Variants in TSC1 observed in about 807,000 individuals in gnomAD.
The protein encoded by TSC1 is TSC complex subunit 1.
TSC1 carries 20 observed loss-of-function variants against 124.3 expected under a neutral mutation model. The ratio of observed to expected loss-of-function variants is 0.16; its 90% CI spans 0.11 to 0.23. TSC1 has a LOEUF of 0.23. Among genes scored for constraint, TSC1 ranks in the 10% least tolerant of loss-of-function variants. The pLI, the probability that TSC1 is intolerant of heterozygous loss-of-function variation, is 1.00. For synonymous variants in TSC1, 493 were observed against 539.1 expected, an observed-to-expected ratio of 0.91 and a Z score of 1.19; for missense variants, 1,124 against 1,448.5, an observed-to-expected ratio of 0.78 and a Z score of 3.64.
chr9:132,910,522 G>C (rs989538175), intron 12 of TSC1, 49 bp downstream of exon 12: 2 of 1,613,636 alleles, frequency 1.2e-6, no homozygotes, highest in Admixed American at 1.7e-5. Context: ...AGGCTTGCAA[G>C]TGAGTCACTG....
In TSC1 at chr9:132,921,764, G is replaced by A. The variant is rs1229542827; in HGVS notation, c.663+55C>T. On this transcript the variant is annotated intron_variant, in intron 7 of 22. Coordinates refer to ENST00000298552, the MANE Select transcript of TSC1 (RefSeq NM_000368.5). This position sits in a 1 kb window ranked among gnomAD's most constrained non-coding sequence, Gnocchi z 4.3. ...GCCGTTAAATACAAAAGGTATAAAT[G>A]CAGCCTATCTAAACAGTATACTAAG... 6.2e-7 allele frequency: 1 copy of A among 1,604,146 alleles called. No individual in the cohort carries two copies. Among genetic ancestry groups the A allele is most frequent in the African/African-American group, 1.3e-5 (1 of 74,674 alleles).
intron 12 of TSC1, among the ~76,000 whole-genome samples, chr9:132,909,073 G>A (rs1463778502): frequency 1.3e-5 from 2 of 151,590 alleles, no homozygotes; most frequent in Non-Finnish European, 2.9e-5. Context: ...CCCGGCTAAT[G>A]TCTATATTTA....
intron 8 of TSC1, among the ~76,000 whole-genome samples, chr9:132,916,140 C>T (rs1846261723): frequency 6.6e-6 from 1 of 152,144 alleles, no homozygotes; most frequent in African/African-American, 2.4e-5. Context: ...AACTGGGAAC[C>T]ATCGTCTAAT....
chr9:132,897,866 T>G (rs1845170324), intron 20 of TSC1, among the ~76,000 whole-genome samples: 1 of 152,144 alleles, frequency 6.6e-6, no homozygotes, highest in African/African-American at 2.4e-5. Context: ...CACAGCATAT[T>G]TATAAGAGCA....
chr9:132,901,994 A>C (rs1845402546), intron 18 of TSC1: 2 of 354,552 alleles, frequency 5.6e-6, no homozygotes, highest in Non-Finnish European at 1.0e-5. Context: ...AAGATTCTGA[A>C]TTTTCGAGGG....
chr9:132,938,402 G>C (rs1435347710), intron 1 of TSC1, among the ~76,000 whole-genome samples: 1 of 152,098 alleles, frequency 6.6e-6, no homozygotes, highest in Non-Finnish European at 1.5e-5. Flanking sequence ...TTTCATATTT[G>C]ACCCAAAAGT....
At position 132,906,004 on chromosome 9, in the gene TSC1, C is replaced by G. The variant is rs750784794; in HGVS notation, c.1574G>C (p.Ser525Thr). 3.7e-6 allele frequency: 6 copies of G among 1,614,000 alleles called. No homozygotes were observed. The Admixed American group carries it at 5.0e-5, about 13-fold the overall frequency. The change falls in exon 15 of 23, where the codon AGT (serine) becomes ACT (threonine). Residue 525 changes from serine (S) to threonine (T), a missense_variant. This residue lies in a region of TSC1 where 321 missense variants were observed against 397.4 expected (regional missense o/e 0.81). Transcript: ENST00000298552. The surrounding 1 kb of genome is among the most constrained non-coding windows in gnomAD (Gnocchi z 4.1). ...AGGGTTCACGCTGGCGCCCTGAGAA[C>G]TGGAGGCTGCCGAGTGGGTCTTCCG... ...SQRKTHSAAS[S>T]SQGASVNPEP...
chr9:132,901,921 G>A lies in TSC1; in HGVS notation c.2392-222C>T, dbSNP rs141011030. 6,594 of 535,248 alleles carry A rather than the reference G, an allele frequency of 0.012. 74 individuals are homozygous for A. Among genetic ancestry groups the A allele is most frequent in the Admixed American group, 0.018 (530 of 29,778 alleles). 33.2% of individuals were successfully genotyped at this position (535,248 alleles called of 1,614,324 possible). The stretch of plus-strand genomic sequence containing the variant: ...GAAAAAAAGAGACCTTAGATCCTCA[G>A]TTCCCAAACTGTGCACCAAAGAGCC... On this transcript the variant is annotated intron_variant, in intron 18 of 22. Transcript: ENST00000298552.
Position 132,923,653 on chromosome 9 carries a change from A to G in TSC1, c.364-161T>C. 1.0e-6 allele frequency: 1 copy of G among 974,516 alleles called. No individual in the cohort carries two copies. The highest frequency in any genetic ancestry group is 1.6e-6 in the Non-Finnish European group (1 of 641,400). 60.4% of individuals were successfully genotyped at this position (974,516 alleles called of 1,614,324 possible). ...CCCTAAGGATTACTGAAGGGATAAC[A>G]TTCAAACAGACTCAACAGAACACTG... On this transcript the variant is annotated intron_variant, in intron 5 of 22. Coordinates refer to ENST00000298552, the MANE Select transcript of TSC1 (RefSeq NM_000368.5). This position sits in a 1 kb window ranked among gnomAD's most constrained non-coding sequence, Gnocchi z 4.2.
chr9:132,927,873 C>T lies in TSC1; in HGVS notation c.107-569G>A, dbSNP rs558104042. 2.6e-5 allele frequency among the ~76,000 whole-genome samples: 4 copies of T among 152,256 alleles called. No individual in the cohort carries two copies. The East Asian group carries it at 7.7e-4, about 29-fold the overall frequency. On this transcript the variant is annotated intron_variant, in intron 3 of 22. Transcript: ENST00000298552. The stretch of plus-strand genomic sequence containing the variant: ...AAAATAATCCATATCTACTGTTAAA[C>T]ATTCAGGCTATGTAAAAGTACATAA...
At chr9:132,930,611 A>AAAAAG (rs1847153271) in intron 2 of TSC1, among the ~76,000 whole-genome samples, 1 of 150,758 alleles carries the variant, frequency 6.6e-6, no homozygotes, top group Non-Finnish European at 1.5e-5. Flanking sequence ...AAAAAAAAAA[A>AAAAAG]AGAGAGAGAT....
intron 2 of TSC1, chr9:132,931,493 G>A (rs769177444): frequency 3.3e-5 from 5 of 152,212 alleles, no homozygotes; most frequent in East Asian, 1.9e-4. Flanking sequence ...TCCTACTGTC[G>A]GCCGCGTTGG....
At chr9:132,931,930 C>T (rs1254110106) in intron 2 of TSC1, among the ~76,000 whole-genome samples, 2 of 152,150 alleles carry the variant, frequency 1.3e-5, no homozygotes, top group African/African-American at 4.8e-5. Flanking sequence ...CACTTTACAG[C>T]CTATAGAAGA....
chr9:132,937,593 AG>A (rs1473944706), intron 1 of TSC1, among the ~76,000 whole-genome samples: 1 of 152,224 alleles, frequency 6.6e-6, no homozygotes, highest in African/African-American at 2.4e-5. Context: ...ATCTAAGGCA[AG>A]GGTAAAATTA....
intron 8 of TSC1, among the ~76,000 whole-genome samples, chr9:132,915,354 C>T (rs1336335744): frequency 2.6e-5 from 4 of 152,040 alleles, no homozygotes; most frequent in Admixed American, 1.3e-4. Flanking sequence ...TGACATAAAA[C>T]GCTTATAATA....
Position 132,905,797 on chromosome 9 carries a change from A to T in TSC1, c.1781T>A (p.Val594Glu), listed in dbSNP as rs1060503194. Residue 594 changes from valine (V) to glutamate (E), a missense_variant, in exon 15 of 23, where the codon GTG becomes GAG. Physicochemically the swap from Val to Glu is moderately radical, Grantham distance 121. Coordinates refer to ENST00000298552, the MANE Select transcript of TSC1 (RefSeq NM_000368.5). Reference sequence around the variant, plus strand: ...GGGAGGCTGCCCGCTTCCAAAGCCCACTCTCGTCGGAGGTGGAATTTTACA... The same window carrying T: ...GGGAGGCTGCCCGCTTCCAAAGCCCTCTCTCGTCGGAGGTGGAATTTTACA... The part of the protein sequence containing the change: ...SPCKIPPPTR[V>E]GFGSGQPPPY... 4 of 1,614,122 alleles carry T rather than the reference A, an allele frequency of 2.5e-6. No homozygotes were observed. The highest frequency in any genetic ancestry group is 3.4e-6 in the Non-Finnish European group (4 of 1,180,024).
intron 8 of TSC1, among the ~76,000 whole-genome samples, chr9:132,919,932 C>T (rs1343798310): frequency 6.6e-6 from 1 of 152,260 alleles, no homozygotes; most frequent in African/African-American, 2.4e-5. Flanking sequence ...ACTCTCCCTC[C>T]TCTGTCTGAT....
At position 132,906,272 on chromosome 9, in the gene TSC1, A is replaced by G. The variant is rs1397769647; in HGVS notation, c.1439-133T>C. 8 of 1,014,942 alleles carry G rather than the reference A, an allele frequency of 7.9e-6. No individual in the cohort carries two copies. Among genetic ancestry groups the G allele is most frequent in the Non-Finnish European group, 1.2e-5 (8 of 672,218 alleles). The allele number at this position is 1,014,942 out of a possible 1,614,324, so 62.9% of individuals were successfully genotyped here. A position where few individuals can be genotyped will look rare whatever the true frequency, so the allele number is the denominator to read the frequency against. Reference sequence around the variant, plus strand: ...GAGAAAAAGTGGCATCCGGCTGGACACAGTGGCTCACGCCTGTAATGCCAG... The same window carrying G: ...GAGAAAAAGTGGCATCCGGCTGGACGCAGTGGCTCACGCCTGTAATGCCAG... On this transcript the variant is annotated intron_variant, in intron 14 of 22. Coordinates refer to ENST00000298552, the MANE Select transcript of TSC1 (RefSeq NM_000368.5). The surrounding 1 kb of genome is among the most constrained non-coding windows in gnomAD (Gnocchi z 4.1).
At chr9:132,926,958 C>A in intron 4 of TSC1, 1 of 469,392 alleles carries the variant, frequency 2.1e-6, no homozygotes, top group Non-Finnish European at 3.9e-6. Context: ...AGGCGTGAGC[C>A]ACCACACCCG....
Sources: gnomAD v4.1 joint callset for allele counts (sites outside exome capture counted in the v4.1 genomes callset) on GRCh38, gnomAD v4.1.1 for gene constraint, gnomAD v4.1.1 regional missense constraint, Gnocchi (gnomAD v3.1) non-coding constraint, MANE v1.5 for transcripts, NCBI Gene and HGNC (gene_info 2026-07-23, HGNC 2026-07-21) for gene names.